The following RIC8B variants were observed in gnomAD, a reference collection of about 807,000 sequenced individuals.
The protein encoded by RIC8B is RIC8 guanine nucleotide exchange factor B.
RIC8B carries 16 observed loss-of-function variants against 57.5 expected under a neutral mutation model. The ratio of observed to expected loss-of-function variants is 0.28; its 90% CI spans 0.19 to 0.42. The LOEUF (loss-of-function observed/expected upper bound fraction) is 0.42, where lower values mean the gene tolerates loss of function less well. Ranked by LOEUF, RIC8B falls within the 10% of genes least tolerant of loss-of-function variation. The pLI, the probability that RIC8B is intolerant of heterozygous loss-of-function variation, is 1.00. For synonymous variants in RIC8B, 216 were observed against 250.8 expected (o/e 0.86, Z 1.31); for missense variants, 481 against 677.0 (o/e 0.71, Z 3.21).
At chr12:106,848,120 A>T (rs1949290217) in intron 6 of RIC8B, among the ~76,000 whole-genome samples, 1 of 152,220 alleles carries the variant, frequency 6.6e-6, no homozygotes, top group South Asian at 2.1e-4. Flanking sequence ...GTCTCCTGTA[A>T]GTGACATTTT....
In RIC8B at chr12:106,887,392, G is replaced by C. The variant is rs1951227163; in HGVS notation, c.*1377G>C. On this transcript the variant is annotated 3_prime_UTR_variant, in exon 10 of 10. Transcript: ENST00000392837. ...TACATCCATGGTCCCACTTCTAATA[G>C]CCTTTTTAAGGACAGGTAGAGTACA... 6.6e-6 allele frequency: 1 copy of C among 152,446 alleles called. No homozygotes were observed. Among genetic ancestry groups the C allele is most frequent in the East Asian group, 1.9e-4 (1 of 5,176 alleles). 9.4% of individuals were successfully genotyped at this position (152,446 alleles called of 1,614,324 possible).
At chr12:106,800,638 T>C (rs982938319) in intron 2 of RIC8B, among the ~76,000 whole-genome samples, 1 of 152,090 alleles carries the variant, frequency 6.6e-6, no homozygotes, top group African/African-American at 2.4e-5. Flanking sequence ...AAACATACAG[T>C]CCATATGTTA....
chr12:106,876,428 T>C (rs535174424), intron 9 of RIC8B, among the ~76,000 whole-genome samples: 2 of 152,288 alleles, frequency 1.3e-5, no homozygotes, highest in South Asian at 4.1e-4. Flanking sequence ...GCTTACATTG[T>C]GGCTTACATT....
At chr12:106,884,949 G>A (rs1951107781) in intron 9 of RIC8B, among the ~76,000 whole-genome samples, 1 of 152,100 alleles carries the variant, frequency 6.6e-6, no homozygotes, top group South Asian at 2.1e-4. Context: ...GTTTTTGGGG[G>A]GTGATGCCCA....
intron 7 of RIC8B, among the ~76,000 whole-genome samples, chr12:106,855,352 G>C (rs1949675930): frequency 6.6e-6 from 1 of 151,970 alleles, no homozygotes; most frequent in Admixed American, 6.6e-5. Flanking sequence ...TTATTCTTTT[G>C]TTCTTTGAAC....
At chr12:106,824,251 A>T (rs2045990484) in intron 3 of RIC8B, among the ~76,000 whole-genome samples, 1 of 152,136 alleles carries the variant, frequency 6.6e-6, no homozygotes, top group Non-Finnish European at 1.5e-5. Flanking sequence ...ATCCTTTGTA[A>T]CCCTGACAGA....
At chr12:106,789,213 C>T (rs1209530736) in intron 2 of RIC8B, among the ~76,000 whole-genome samples, 1 of 152,126 alleles carries the variant, frequency 6.6e-6, no homozygotes, top group Non-Finnish European at 1.5e-5. Context: ...CATCTGAGAC[C>T]ACCTCATCCT....
At position 106,784,035 on chromosome 12, in the gene RIC8B, T is replaced by A. The variant is rs376206658; in HGVS notation, c.123T>A (p.Asp41Glu). The A allele has an allele frequency of 5.6e-6, 9 of 1,613,800 alleles. No individual in the cohort carries two copies. The highest frequency in any genetic ancestry group is 7.6e-6 in the Non-Finnish European group (9 of 1,179,748). Residue 41 changes from aspartate (D) to glutamate (E), a missense_variant, in exon 2 of 10, where the codon GAT becomes GAA. Coordinates refer to ENST00000392837, the MANE Select transcript of RIC8B (RefSeq NM_001330145.2). Reference sequence around the variant, plus strand: ...TCAAATTTGAATCAACAGATGAAGATAAAAGAAAGGTAAGCCTTGGTGTTG... The same window carrying A: ...TCAAATTTGAATCAACAGATGAAGAAAAAAGAAAGGTAAGCCTTGGTGTTG... The part of the protein sequence containing the change: ...ATFKFESTDE[D>E]KRKKLCEGIF...
At chr12:106,840,143 C>T (rs1593269941) in intron 4 of RIC8B, among the ~76,000 whole-genome samples, 1 of 152,098 alleles carries the variant, frequency 6.6e-6, no homozygotes, top group South Asian at 2.1e-4. Context: ...ATACATTTGA[C>T]CAGCAAGATT....
rs546352707 is a variant in RIC8B at position 106,885,300 on chromosome 12, G to GT, written c.1572-598dup. Among the ~76,000 whole-genome samples the GT allele has an allele frequency of 3.2e-4, 48 of 152,110 alleles. 1 individual carries two copies. The South Asian group carries it at 9.4e-3, about 30-fold the overall frequency. ...AACTGCCACAAACAAAAGCAATGGTGTTTTTTAGAAAGGAGGAGGAGGAGG... is the reference window on the plus strand; with the variant it reads ...AACTGCCACAAACAAAAGCAATGGTGTTTTTTTAGAAAGGAGGAGGAGGAGG... On this transcript the variant is annotated intron_variant, in intron 9 of 9. Coordinates refer to ENST00000392837, the MANE Select transcript of RIC8B (RefSeq NM_001330145.2).
intron 4 of RIC8B, among the ~76,000 whole-genome samples, chr12:106,836,666 C>G (rs2046614396): frequency 3.3e-5 from 5 of 152,208 alleles, no homozygotes; most frequent in Admixed American, 3.3e-4. Context: ...CAGTAACATT[C>G]TAACTATTCT....
intron 2 of RIC8B, among the ~76,000 whole-genome samples, chr12:106,788,583 T>A (rs754629058): frequency 5.9e-5 from 9 of 152,184 alleles, no homozygotes; most frequent in Non-Finnish European, 1.0e-4. Flanking sequence ...AAACCTCAAT[T>A]CTTGACTTCT....
At position 106,851,315 on chromosome 12, in the gene RIC8B, C is replaced by CATT. The variant is rs1555260083; in HGVS notation, c.1162-135_1162-134insATT. On this transcript the variant is annotated intron_variant, in intron 6 of 9. Coordinates refer to ENST00000392837, the MANE Select transcript of RIC8B (RefSeq NM_001330145.2). The stretch of plus-strand genomic sequence containing the variant: ...TGTTTAGTTTTACTTGGAAGCTAAC[C>CATT]TTTTTTTTTTTTTTTTTTTTTGCTC... The CATT allele has an allele frequency of 2.8e-5, 6 of 211,504 alleles. No homozygotes were observed. In the East Asian group the frequency reaches 5.3e-4, roughly 19 times the overall value. 13.1% of individuals were successfully genotyped at this position (211,504 alleles called of 1,614,324 possible).
intron 3 of RIC8B, among the ~76,000 whole-genome samples, chr12:106,823,883 A>G (rs1181045410): frequency 1.3e-5 from 2 of 152,056 alleles, no homozygotes; most frequent in Admixed American, 6.6e-5. Flanking sequence ...ACGGGGTTTC[A>G]CCATGTTGGC....
At chr12:106,874,195 A>G (rs1950567626) in intron 9 of RIC8B, among the ~76,000 whole-genome samples, 1 of 152,164 alleles carries the variant, frequency 6.6e-6, no homozygotes, top group African/African-American at 2.4e-5. Context: ...CCACTGTACT[A>G]CGGTGTCTGT....
chr12:106,792,275 A>G (rs2044292969), intron 2 of RIC8B, among the ~76,000 whole-genome samples: 2 of 152,198 alleles, frequency 1.3e-5, no homozygotes, highest in Admixed American at 6.5e-5. Flanking sequence ...TCCAAATTCC[A>G]CTTTTAGTTT....
At chr12:106,799,484 G>A (rs898828086) in intron 2 of RIC8B, among the ~76,000 whole-genome samples, 1 of 152,146 alleles carries the variant, frequency 6.6e-6, no homozygotes, top group Non-Finnish European at 1.5e-5. Flanking sequence ...AGCCACAGGG[G>A]CAGAGCACAG....
intron 1 of RIC8B, among the ~76,000 whole-genome samples, chr12:106,777,028 T>C (rs1178893603): frequency 6.6e-6 from 1 of 152,172 alleles, no homozygotes; most frequent in Non-Finnish European, 1.5e-5. Context: ...GGGCTAACTT[T>C]TTAAATTCAT....
At chr12:106,861,628 A>G (rs1949938470) in intron 8 of RIC8B, among the ~76,000 whole-genome samples, 1 of 152,104 alleles carries the variant, frequency 6.6e-6, no homozygotes, top group Non-Finnish European at 1.5e-5. Flanking sequence ...TCTGACAAGT[A>G]TTTGAAGCTA....
Sources: allele counts gnomAD v4.1 joint callset (sites outside exome capture counted in the v4.1 genomes callset), GRCh38; gene constraint gnomAD v4.1.1; transcripts MANE v1.5; gene names NCBI Gene and HGNC (gene_info 2026-07-23, HGNC 2026-07-21).